RAP1GAP2: variants seen among roughly 807,000 people sequenced by gnomAD.
The protein encoded by RAP1GAP2 is RAP1 GTPase activating protein 2.
Under a neutral mutation model 95.0 loss-of-function variants are expected in RAP1GAP2, and 27 were observed. The ratio of observed to expected loss-of-function variants is 0.28; its 90% CI spans 0.21 to 0.39. The LOEUF is 0.39. Among genes scored for constraint, RAP1GAP2 ranks in the 10% least tolerant of loss-of-function variants. The probability of loss-of-function intolerance (pLI) is 1.00; values close to 1 mark genes in which losing one functional copy is unlikely to be tolerated. For synonymous variants in RAP1GAP2, 373 were observed against 380.9 expected (o/e 0.98, Z 0.24); for missense variants, 771 against 970.0 (o/e 0.79, Z 2.72).
intron 2 of RAP1GAP2, among the ~76,000 whole-genome samples, chr17:2,828,302 T>C (rs910348985): frequency 2.6e-4 from 39 of 151,696 alleles, no homozygotes; most frequent in Admixed American, 1.8e-3. Flanking sequence ...GATCGCGCCA[T>C]TGCACTCCAA....
At chr17:2,998,077 A>T in intron 13 of RAP1GAP2, 144 bp from the exon 14 acceptor site, 1 of 918,600 alleles carries the variant, frequency 1.1e-6, no homozygotes, top group Non-Finnish European at 1.7e-6. Context: ...TTTCATACTT[A>T]AACTTCCAAA....
chr17:3,010,774 C>T (rs2046507015), intron 17 of RAP1GAP2, among the ~76,000 whole-genome samples: 1 of 152,306 alleles, frequency 6.6e-6, no homozygotes, highest in African/African-American at 2.4e-5. Flanking sequence ...ATACTAAAAC[C>T]CTGCAACTGT....
chr17:3,018,026 G>C (rs1206006166), intron 17 of RAP1GAP2, 35 bp from the exon 18 acceptor site: 4 of 1,554,048 alleles, frequency 2.6e-6, no homozygotes, highest in East Asian at 2.4e-5. Flanking sequence ...GAGAGCCCGG[G>C]TGCTGATTCT....
chr17:2,842,529 CAAAAAAAAA>C (rs34473053), intron 2 of RAP1GAP2, among the ~76,000 whole-genome samples: 2 of 78,066 alleles, frequency 2.6e-5, no homozygotes, highest in Non-Finnish European at 5.1e-5. Context: ...GATTCCGTCT[CAAAAAAAAA>C]AAAAAAAAAA....
At chr17:2,793,434 G>A (rs542760036), upstream of RAP1GAP2, among the ~76,000 whole-genome samples, 6 of 152,266 alleles carry the variant, frequency 3.9e-5, no homozygotes, top group South Asian at 8.3e-4. Context: ...GATTACAGGC[G>A]TGAACCACTG....
intron 2 of RAP1GAP2, among the ~76,000 whole-genome samples, chr17:2,875,582 G>T (rs530483107): frequency 6.6e-6 from 1 of 152,302 alleles, no homozygotes; most frequent in South Asian, 2.1e-4. Context: ...CATGGAGCGG[G>T]TGAGAGGGAC....
Position 3,017,958 on chromosome 17 carries a change from C to T in RAP1GAP2, c.1495-103C>T, listed in dbSNP as rs192116491. 617 of 1,095,606 alleles carry T rather than the reference C, an allele frequency of 5.6e-4. 2 individuals carry two copies. The African/African-American group carries it at 7.3e-3, about 13-fold the overall frequency. 67.9% of individuals were successfully genotyped at this position (1,095,606 alleles called of 1,614,324 possible). A position where few individuals can be genotyped will look rare whatever the true frequency, so the allele number is the denominator to read the frequency against. Reference sequence around the variant, plus strand: ...GTGTGTGTGTGTGTGTATGTGTGCACGCATACGTGTGCTGAGGGCTGTGTC... The same window carrying T: ...GTGTGTGTGTGTGTGTATGTGTGCATGCATACGTGTGCTGAGGGCTGTGTC... On this transcript the variant is annotated intron_variant, in intron 17 of 24. Coordinates refer to ENST00000254695, the MANE Select transcript of RAP1GAP2 (RefSeq NM_015085.5).
chr17:2,808,685 A>T (rs2069624496), intron 2 of RAP1GAP2, among the ~76,000 whole-genome samples: 1 of 152,142 alleles, frequency 6.6e-6, no homozygotes, highest in Admixed American at 6.6e-5. Flanking sequence ...CCACTGTTAG[A>T]TACCCTCCAG....
chr17:2,781,092 G>A lies in RAP1GAP2; in HGVS notation c.-14+3814G>A, dbSNP rs569943622. Among the ~76,000 whole-genome samples the A allele has an allele frequency of 1.6e-4, 24 of 152,336 alleles. No homozygotes were observed. In the East Asian group the frequency reaches 3.3e-3, roughly 21 times the overall value. On this transcript the variant is annotated intron_variant, in intron 1 of 24. Coordinates refer to the RAP1GAP2 transcript ENST00000540393. ...GATGCCAACGATACAAGGCTGTGCCGAGCCCCTGGCCCCGGCCACGCTCTG... is the reference window on the plus strand; with the variant it reads ...GATGCCAACGATACAAGGCTGTGCCAAGCCCCTGGCCCCGGCCACGCTCTG...
chr17:2,867,670 TTGGC>T lies in RAP1GAP2; in HGVS notation c.81-37610_81-37607del, dbSNP rs2072671509. Among the ~76,000 whole-genome samples, 1 of 152,148 alleles carries T rather than the reference TTGGC, an allele frequency of 6.6e-6. No individual in the cohort carries two copies. The highest frequency in any genetic ancestry group is 2.1e-4 in the South Asian group (1 of 4,830). On this transcript the variant is annotated intron_variant, in intron 2 of 24. Coordinates refer to ENST00000254695, the MANE Select transcript of RAP1GAP2 (RefSeq NM_015085.5). The surrounding 1 kb of genome is among the most constrained non-coding windows in gnomAD (Gnocchi z 4.5). ...CCGCTGGTTCCCGGGATGCAGGGAC[TTGGC>T]TGGGAGTATAGGAGGGATGGGTCAC...
chr17:2,826,729 C>A (rs1001316342), intron 2 of RAP1GAP2, among the ~76,000 whole-genome samples: 1 of 152,072 alleles, frequency 6.6e-6, no homozygotes, highest in African/African-American at 2.4e-5. Context: ...GATTTCCGGC[C>A]GGGCGCGGTG....
chr17:2,883,755 T>C (rs745915041), intron 2 of RAP1GAP2, among the ~76,000 whole-genome samples: 31 of 152,106 alleles, frequency 2.0e-4, no homozygotes, highest in Non-Finnish European at 3.8e-4. Context: ...CGCAGGATGA[T>C]TGGCAGAGAA....
chr17:2,897,074 C>T (rs185406794), intron 2 of RAP1GAP2, among the ~76,000 whole-genome samples: 7 of 152,322 alleles, frequency 4.6e-5, no homozygotes, highest in Admixed American at 3.3e-4. Context: ...CGCTGGCTCA[C>T]GCCTATAATC....
chr17:2,993,872 C>T (rs914320231), intron 12 of RAP1GAP2, among the ~76,000 whole-genome samples: 4 of 151,928 alleles, frequency 2.6e-5, no homozygotes, highest in African/African-American at 7.3e-5. Flanking sequence ...CTGTCATTAA[C>T]AAAAATTTGA....
upstream of RAP1GAP2, among the ~76,000 whole-genome samples, chr17:2,793,552 C>G (rs1267017270): frequency 6.6e-6 from 1 of 152,256 alleles, no homozygotes; most frequent in Non-Finnish European, 1.5e-5. Flanking sequence ...GCTTTCTGCA[C>G]CCAGCATGGT....
intron 17 of RAP1GAP2, among the ~76,000 whole-genome samples, chr17:3,016,600 ACAT>A (rs2046777361): frequency 1.3e-5 from 2 of 152,324 alleles, no homozygotes; most frequent in African/African-American, 2.4e-5. Context: ...CATGTCCTAC[ACAT>A]CTCGACTTTC....
At chr17:2,788,446 C>T (rs896545489) in intron 1 of RAP1GAP2, among the ~76,000 whole-genome samples, 4 of 152,158 alleles carry the variant, frequency 2.6e-5, no homozygotes, top group Non-Finnish European at 5.9e-5. Context: ...CAGGTGCCCG[C>T]CACCATGCCC....
At chr17:2,887,526 C>T (rs1169237406) in intron 2 of RAP1GAP2, among the ~76,000 whole-genome samples, 1 of 151,944 alleles carries the variant, frequency 6.6e-6, no homozygotes, top group Non-Finnish European at 1.5e-5. Context: ...AGGCACACGC[C>T]ACTGCGCCCA....
intron 2 of RAP1GAP2, 66 bp from the exon 3 acceptor site, chr17:2,905,218 C>T (rs1488592316): frequency 4.8e-6 from 7 of 1,446,726 alleles, no homozygotes; most frequent in Middle Eastern, 1.7e-4. Flanking sequence ...AGAGCCCAGT[C>T]ACTCTTGGAG....
Sources: allele counts gnomAD v4.1 joint callset (sites outside exome capture counted in the v4.1 genomes callset), GRCh38; gene constraint gnomAD v4.1.1; non-coding constraint Gnocchi (gnomAD v3.1); transcripts MANE v1.5; gene names NCBI Gene and HGNC (gene_info 2026-07-23, HGNC 2026-07-21).